PALS2: variants seen among roughly 807,000 people sequenced by gnomAD.
The protein encoded by PALS2 is protein PALS2.
In PALS2, 27 loss-of-function variants were observed where a neutral mutation model predicts 61.6. The ratio of observed to expected loss-of-function variants is 0.44; its 90% confidence interval spans 0.32 to 0.60. PALS2 has a LOEUF of 0.60. PALS2 is among the 20% of genes least tolerant of loss of function. The pLI is 0.05. For missense variants in PALS2, 554 were observed against 639.4 expected (o/e 0.87, Z 1.44); for synonymous variants, 236 against 218.6 (o/e 1.08, Z -0.70).
chr7:24,623,199 CG>C (rs1424764208), intron 1 of PALS2, among the ~76,000 whole-genome samples: 3 of 141,140 alleles, frequency 2.1e-5, no homozygotes, highest in African/African-American at 5.3e-5. Context: ...CCTTCTCTTC[CG>C]TTTTTTTTTT....
At chr7:24,682,957 G>T (rs967240417) in intron 11 of PALS2, among the ~76,000 whole-genome samples, 4 of 152,062 alleles carry the variant, frequency 2.6e-5, no homozygotes, top group African/African-American at 9.7e-5. Flanking sequence ...CAGGTTTTTG[G>T]TTGGTTGGTT....
Position 24,623,718 on chromosome 7 carries a change from A to G in PALS2, c.51A>G (p.Ala17=), listed in dbSNP as rs1294677589. Residue 17 remains alanine (A), a synonymous_variant, in exon 2 of 12, where the codon GCA becomes GCG. Coordinates refer to ENST00000222644, the MANE Select transcript of PALS2 (RefSeq NM_001303037.2). Reference sequence around the variant, plus strand: ...CGGAGCTGCCCTCGTCTACTGGAGCAGAAGAAATAGACCTAATTTTCCTCA... The same window carrying G: ...CGGAGCTGCCCTCGTCTACTGGAGCGGAAGAAATAGACCTAATTTTCCTCA... ...NLTELPSSTG[A]EEIDLIFLKG... The G allele has an allele frequency of 1.2e-6, 2 of 1,609,990 alleles. No homozygotes were observed. The highest frequency in any genetic ancestry group is 2.2e-5 in the East Asian group (1 of 44,824).
chr7:24,634,852 G>A (rs1785164913), intron 2 of PALS2, among the ~76,000 whole-genome samples: 1 of 152,086 alleles, frequency 6.6e-6, no homozygotes, highest in Non-Finnish European at 1.5e-5. Context: ...GAGTGGTTTT[G>A]GGCACCTTTG....
In PALS2 at chr7:24,687,133, T is replaced by G. The variant is rs73079942; in HGVS notation, c.1447-305T>G. Among the ~76,000 whole-genome samples, 1 of 152,318 alleles carries G rather than the reference T, an allele frequency of 6.6e-6. No individual in the cohort carries two copies. Among genetic ancestry groups the G allele is most frequent in the Non-Finnish European group, 1.5e-5 (1 of 68,032 alleles). On this transcript the variant is annotated intron_variant, in intron 11 of 11. Coordinates refer to ENST00000222644, the MANE Select transcript of PALS2 (RefSeq NM_001303037.2). The surrounding 1 kb of genome is among the most constrained non-coding windows in gnomAD (Gnocchi z 4.5). ...GGAAACCAGTCACCTGCAGTAATTG[T>G]TTTGTTACTGTAGATTCATTCCAAG...
chr7:24,680,615 A>T (rs927799639), intron 11 of PALS2, 95 bp downstream of exon 11: 1 of 1,412,970 alleles, frequency 7.1e-7, no homozygotes, highest in Non-Finnish European at 9.4e-7. Context: ...TTTATTTTTG[A>T]GGCAGAGTTT....
chr7:24,681,845 A>G (rs922869860), intron 11 of PALS2, among the ~76,000 whole-genome samples: 1 of 152,140 alleles, frequency 6.6e-6, no homozygotes, highest in Non-Finnish European at 1.5e-5. Context: ...ATTATATGCC[A>G]TGAAATCAGG....
chr7:24,602,047 G>A (rs1207518179), intron 1 of PALS2, among the ~76,000 whole-genome samples: 2 of 151,742 alleles, frequency 1.3e-5, no homozygotes, highest in Non-Finnish European at 2.9e-5. Flanking sequence ...AAACCCATCT[G>A]GTTTAGATGC....
In PALS2 at chr7:24,687,516, A is replaced by T. The variant is rs753004229; in HGVS notation, c.1525A>T (p.Ile509Leu). The change falls in exon 12 of 12, where the codon ATA becomes TTA. Residue 509 changes from isoleucine to leucine, a missense_variant. By Grantham distance (5) the Ile-to-Leu change is conservative. Coordinates refer to ENST00000222644, the MANE Select transcript of PALS2 (RefSeq NM_001303037.2). This position sits in a 1 kb window ranked among gnomAD's most constrained non-coding sequence, Gnocchi z 4.5. ...AYNHYFDLII[I>L]NDNLDKAFEK... ...CAACCACTATTTTGATTTGATCATC[A>T]TAAATGATAATCTAGACAAAGCCTT... is the stretch of plus-strand genomic sequence containing the variant. The T allele has an allele frequency of 6.2e-7, 1 of 1,613,174 alleles. No homozygotes were observed. The highest frequency in any genetic ancestry group is 8.5e-7 in the Non-Finnish European group (1 of 1,179,738).
intron 9 of PALS2, among the ~76,000 whole-genome samples, chr7:24,670,289 T>C (rs544091770): frequency 6.6e-6 from 1 of 152,252 alleles, no homozygotes; most frequent in South Asian, 2.1e-4. Flanking sequence ...TATACAGTTT[T>C]TTGTTGTTTT....
chr7:24,667,109 A>G, intron 8 of PALS2: 1 of 152,210 alleles, frequency 6.6e-6, no homozygotes, highest in East Asian at 1.9e-4. Context: ...TATTAGGATA[A>G]TAAGCTAAGG....
At chr7:24,604,233 A>AT (rs1783817652) in intron 1 of PALS2, among the ~76,000 whole-genome samples, 1 of 151,082 alleles carries the variant, frequency 6.6e-6, no homozygotes, top group Non-Finnish European at 1.5e-5. Context: ...AAAAAAAAAA[A>AT]AAAAGGAAAA....
At position 24,663,641 on chromosome 7, in the gene PALS2, C is replaced by A; in HGVS notation, c.703C>A (p.Pro235Thr). 6.3e-7 allele frequency: 1 copy of A among 1,595,740 alleles called. No individual in the cohort carries two copies. The highest frequency in any genetic ancestry group is 8.6e-7 in the Non-Finnish European group (1 of 1,164,058). ...TAATCCATACAATGACAACCTAATA[C>A]CTTGCAAAGAAGCAGGATTGAAGTT... is the stretch of plus-strand genomic sequence containing the variant. ...DYNPYNDNLI[P>T]CKEAGLKFSK... The change falls in exon 6 of 12, where the codon CCT becomes ACT. Residue 235 changes from proline (P) to threonine (T), a missense_variant. Physicochemically the swap from Pro to Thr is conservative, Grantham distance 38 (BLOSUM62 -1). Transcript: ENST00000222644.
rs76660483 is a variant in PALS2 at position 24,626,362 on chromosome 7, T to C, written c.117+2578T>C. On this transcript the variant is annotated intron_variant, in intron 2 of 11. Coordinates refer to ENST00000222644, the MANE Select transcript of PALS2 (RefSeq NM_001303037.2). ...AAACATACTCAAAATATCTAATATA[T>C]GTAGTTTGTATTCCAGAAAGAAAGG... Among the ~76,000 whole-genome samples, 803 of 152,214 alleles carry C rather than the reference T, an allele frequency of 5.3e-3. 31 individuals carry two copies. In the East Asian group the frequency reaches 0.092, roughly 17 times the overall value.
At chr7:24,647,758 T>G (rs1785917780) in intron 3 of PALS2, among the ~76,000 whole-genome samples, 3 of 152,222 alleles carry the variant, frequency 2.0e-5, no homozygotes, top group Admixed American at 6.5e-5. Flanking sequence ...CAAATGAGTT[T>G]TTTCAGTCTT....
intron 9 of PALS2, among the ~76,000 whole-genome samples, chr7:24,673,384 A>G (rs950800656): frequency 2.6e-5 from 4 of 152,124 alleles, no homozygotes; most frequent in African/African-American, 9.7e-5. Context: ...GTCATTGTCT[A>G]GCTTTGATAT....
chr7:24,693,227 T>A lies in PALS2; in HGVS notation c.*5613T>A, dbSNP rs1236968137. On this transcript the variant is annotated 3_prime_UTR_variant, in exon 12 of 12. Transcript: ENST00000222644. Reference sequence around the variant, plus strand: ...TTTGAATCTTATGAAATAGGTGGTGTTGCTACCACAGAAGCCAAAAAGGTC... The same window carrying A: ...TTTGAATCTTATGAAATAGGTGGTGATGCTACCACAGAAGCCAAAAAGGTC... 6.6e-6 allele frequency: 1 copy of A among 152,168 alleles called. No individual in the cohort carries two copies. The highest frequency in any genetic ancestry group is 6.5e-5 in the Admixed American group (1 of 15,280). The allele number at this position is 152,168 out of a possible 1,614,324, so 9.4% of individuals were successfully genotyped here.
intron 1 of PALS2, among the ~76,000 whole-genome samples, chr7:24,619,836 A>AACT (rs1173231833): frequency 6.6e-6 from 1 of 152,032 alleles, no homozygotes; most frequent in African/African-American, 2.4e-5. Flanking sequence ...ACTTGTAGGT[A>AACT]ACTTACTTTT....
At chr7:24,608,827 G>A (rs1246932342) in intron 1 of PALS2, among the ~76,000 whole-genome samples, 2 of 152,046 alleles carry the variant, frequency 1.3e-5, no homozygotes, top group Non-Finnish European at 2.9e-5. Context: ...TGCCCAGGCT[G>A]GTCTCAAATT....
chr7:24,685,433 A>T (rs2128036885), intron 11 of PALS2, among the ~76,000 whole-genome samples: 1 of 152,264 alleles, frequency 6.6e-6, no homozygotes, highest in African/African-American at 2.4e-5. Flanking sequence ...ATAGGCTGCC[A>T]TTATTGGTAG....
Sources: gnomAD v4.1 joint callset for allele counts (sites outside exome capture counted in the v4.1 genomes callset) on GRCh38, gnomAD v4.1.1 for gene constraint, Gnocchi (gnomAD v3.1) non-coding constraint, MANE v1.5 for transcripts, NCBI Gene and HGNC (gene_info 2026-07-23, HGNC 2026-07-21) for gene names.